Variants in CCDC33 observed in about 807,000 individuals in gnomAD.
CCDC33 encodes the protein coiled-coil domain containing 33.
In CCDC33, 94 loss-of-function variants were observed where a neutral mutation model predicts 91.9. The ratio of observed to expected loss-of-function variants is 1.02; its 90% CI spans 0.87 to 1.21. The LOEUF (loss-of-function observed/expected upper bound fraction) is 1.21, where lower values mean the gene tolerates loss of function less well. Among genes scored for constraint, CCDC33 ranks in the 50% most tolerant of loss-of-function variants. CCDC33 has a pLI of 0.00. For missense variants in CCDC33, 940 were observed against 935.5 expected (o/e 1.00, Z -0.06); for synonymous variants, 396 against 374.5 (o/e 1.06, Z -0.66).
intron 2 of CCDC33, among the ~76,000 whole-genome samples, chr15:74,247,102 G>A (rs761885317): frequency 4.6e-5 from 7 of 150,876 alleles, no homozygotes; most frequent in African/African-American, 7.3e-5. Flanking sequence ...CCAAGATTGC[G>A]CCACTGCACT....
chr15:74,242,462 G>A (rs1382519948), intron 1 of CCDC33, among the ~76,000 whole-genome samples: 2 of 152,190 alleles, frequency 1.3e-5, no homozygotes, highest in African/African-American at 2.4e-5. Context: ...ACCCAACCAG[G>A]GCCTGCCCTG....
intron 1 of CCDC33, among the ~76,000 whole-genome samples, chr15:74,205,542 G>A (rs2074240634): frequency 6.6e-6 from 1 of 152,158 alleles, no homozygotes; most frequent in South Asian, 2.1e-4. Flanking sequence ...GGGATACCCC[G>A]CAATGACCCA....
intron 1 of CCDC33, chr15:74,208,762 C>T: frequency 1.0e-6 from 1 of 988,896 alleles, no homozygotes; most frequent in Non-Finnish European, 1.2e-6. Flanking sequence ...CGACCTGTTC[C>T]AATCCCACCT....
chr15:74,231,252 TAG>T (rs1004273088), intron 2 of CCDC33, among the ~76,000 whole-genome samples: 2 of 152,218 alleles, frequency 1.3e-5, no homozygotes. Context: ...ACATTAGTGA[TAG>T]AGTCACAGTC....
At chr15:74,305,065 G>A (rs2059868933) in intron 11 of CCDC33, among the ~76,000 whole-genome samples, 1 of 151,906 alleles carries the variant, frequency 6.6e-6, no homozygotes, top group South Asian at 2.1e-4. Context: ...TTCTGTTTCA[G>A]CCTCCCAAGT....
At chr15:74,235,897 C>G (rs1351339871), upstream of CCDC33, among the ~76,000 whole-genome samples, 1 of 152,218 alleles carries the variant, frequency 6.6e-6, no homozygotes, top group African/African-American at 2.4e-5. Flanking sequence ...ACCCTCTTCT[C>G]TCCCCGATCT....
At chr15:74,304,949 CTTT>C (rs5813756) in intron 11 of CCDC33, among the ~76,000 whole-genome samples, 2 of 146,742 alleles carry the variant, frequency 1.4e-5, no homozygotes. Flanking sequence ...TCTTCTTCTT[CTTT>C]TTTTTTTTTT....
At chr15:74,280,116 C>T in intron 8 of CCDC33, 24 bp downstream of exon 8, 1 of 1,613,210 alleles carries the variant, frequency 6.2e-7, no homozygotes. Flanking sequence ...GGTGCCTCGC[C>T]AGGGCAGCCA....
chr15:74,268,496 T>TGGG, intron 5 of CCDC33, 38 bp downstream of exon 5: 1 of 1,214,854 alleles, frequency 8.2e-7, no homozygotes, highest in Non-Finnish European at 1.2e-6. Context: ...GTGGTGGGGG[T>TGGG]GGGAAAGGGC....
At chr15:74,336,183 G>A (rs1177358578), downstream of CCDC33, 1 of 1,458,928 alleles carries the variant, frequency 6.9e-7, no homozygotes, top group Non-Finnish European at 9.0e-7. Context: ...TGGGGGCCCT[G>A]CTTCCTCCTC....
chr15:74,209,426 A>AGCTCG (rs1475598472), exon 2 of CCDC33: 1 of 1,535,478 alleles, frequency 6.5e-7, no homozygotes, highest in Non-Finnish European at 8.7e-7. Flanking sequence ...GGGAACCACC[A>AGCTCG]GCTCGGCTCT....
intron 1 of CCDC33, among the ~76,000 whole-genome samples, chr15:74,205,057 T>C (rs750169854): frequency 4.6e-5 from 7 of 152,232 alleles, no homozygotes; most frequent in East Asian, 1.9e-4. Context: ...AAATGGAACC[T>C]GATGTATGGT....
At chr15:74,243,032 CT>C (rs1257032729) in intron 1 of CCDC33, among the ~76,000 whole-genome samples, 1 of 152,240 alleles carries the variant, frequency 6.6e-6, no homozygotes, top group Non-Finnish European at 1.5e-5. Flanking sequence ...TTTGTCTTCT[CT>C]CAGCAGCTCT....
intron 11 of CCDC33, chr15:74,301,010 G>A (rs759465898): frequency 2.0e-5 from 3 of 152,302 alleles, no homozygotes; most frequent in Non-Finnish European, 4.4e-5. Context: ...TGGGTCAAGT[G>A]TAGGGCCTCA....
chr15:74,283,888 C>T (rs184359195), intron 10 of CCDC33, among the ~76,000 whole-genome samples: 1 of 152,062 alleles, frequency 6.6e-6, no homozygotes, highest in South Asian at 2.1e-4. Context: ...CAGATGTGTG[C>T]GCACATACCT....
At chr15:74,313,395 A>ATTTC (rs1263093742) in intron 11 of CCDC33, among the ~76,000 whole-genome samples, 44 of 138,514 alleles carry the variant, frequency 3.2e-4, no homozygotes, top group South Asian at 9.6e-4. Flanking sequence ...CCCAGCACAG[A>ATTTC]TTTCTTTCTT....
At chr15:74,248,505 TTC>T (rs1467761297) in intron 2 of CCDC33, among the ~76,000 whole-genome samples, 4 of 152,084 alleles carry the variant, frequency 2.6e-5, no homozygotes, top group African/African-American at 9.7e-5. Context: ...GATTCTGTCC[TTC>T]TCTCTGGGTT....
chr15:74,262,692 G>T, intron 3 of CCDC33, 119 bp downstream of exon 3: 1 of 1,115,654 alleles, frequency 9.0e-7, no homozygotes, highest in Non-Finnish European at 1.2e-6. Flanking sequence ...CACCTCCTTG[G>T]GCTCAGTTAA....
intron 2 of CCDC33, among the ~76,000 whole-genome samples, chr15:74,258,624 GTGTGTGTGCATGCATTTGTGCGCA>G (rs1214775756): frequency 3.3e-5 from 5 of 152,174 alleles, no homozygotes; most frequent in Admixed American, 6.5e-5. Context: ...GTGCATGTAT[GTGTGTGTGCATGCATTTGTGCGCA>G]TGTGTGTGCA....
Sources: allele counts gnomAD v4.1 joint callset (sites outside exome capture counted in the v4.1 genomes callset), GRCh38; gene constraint gnomAD v4.1.1; transcripts MANE v1.5; gene names NCBI Gene and HGNC (gene_info 2026-07-23, HGNC 2026-07-21).